AMPH: variants seen among roughly 807,000 people sequenced by gnomAD.
The protein encoded by AMPH is amphiphysin (Stiff-Mann syndrome with breast cancer 128kD autoantigen).
AMPH carries 49 observed loss-of-function variants against 99.1 expected under a neutral mutation model. That is an observed-to-expected ratio of 0.49 (90% CI 0.39 to 0.63). The LOEUF is 0.63. Among genes scored for constraint, AMPH ranks in the 20% least tolerant of loss-of-function variants. The probability of loss-of-function intolerance (pLI) is 0.00; values close to 1 mark genes in which losing one functional copy is unlikely to be tolerated. For missense variants in AMPH, 759 were observed against 863.4 expected (o/e 0.88, Z 1.52); for synonymous variants, 314 against 317.3 (o/e 0.99, Z 0.11).
intron 1 of AMPH, among the ~76,000 whole-genome samples, chr7:38,566,155 G>A (rs1239057984): frequency 6.6e-6 from 1 of 151,964 alleles, no homozygotes. Context: ...CCTATTTAGA[G>A]GTAAAACTTC....
intron 11 of AMPH, among the ~76,000 whole-genome samples, chr7:38,442,203 C>T (rs1786583422): frequency 6.6e-6 from 1 of 152,042 alleles, no homozygotes; most frequent in Non-Finnish European, 1.5e-5. Flanking sequence ...GCCCATGACA[C>T]AAGTTTATCT....
intron 2 of AMPH, among the ~76,000 whole-genome samples, chr7:38,518,610 T>C (rs1173885018): frequency 6.6e-6 from 1 of 152,244 alleles, no homozygotes; most frequent in African/African-American, 2.4e-5. Flanking sequence ...AGAATGGGAA[T>C]GTCTGTCCTA....
chr7:38,611,569 T>C (rs529047565), intron 1 of AMPH, among the ~76,000 whole-genome samples: 1 of 152,344 alleles, frequency 6.6e-6, no homozygotes, highest in African/African-American at 2.4e-5. Context: ...CACCTCTACA[T>C]ACAGCCTTAA....
At chr7:38,620,410 A>T (rs995148655) in intron 1 of AMPH, among the ~76,000 whole-genome samples, 9 of 150,078 alleles carry the variant, frequency 6.0e-5, no homozygotes, top group Non-Finnish European at 1.3e-4. Flanking sequence ...CAGATGTTTC[A>T]TATATTGAGG....
At chr7:38,536,875 C>A (rs6962502) in intron 1 of AMPH, among the ~76,000 whole-genome samples, 139,398 of 152,120 alleles carry the variant, frequency 0.92, 64,057 homozygotes, top group East Asian at 1. Context: ...CTAGGGAAGA[C>A]TTGATAAACA....
intron 1 of AMPH, among the ~76,000 whole-genome samples, chr7:38,628,917 A>T (rs895605749): frequency 1.3e-5 from 2 of 152,230 alleles, no homozygotes; most frequent in African/African-American, 4.8e-5. Flanking sequence ...GATTTCAGAC[A>T]TGCAGTTGGA....
chr7:38,618,961 C>T (rs1316565074), intron 1 of AMPH, among the ~76,000 whole-genome samples: 1 of 152,136 alleles, frequency 6.6e-6, no homozygotes, highest in African/African-American at 2.4e-5. Context: ...AAAAATCTAA[C>T]AAAATACTGT....
intron 16 of AMPH, chr7:38,420,888 C>T (rs1785558544): frequency 4.4e-6 from 2 of 450,688 alleles, no homozygotes; most frequent in South Asian, 3.1e-5. Flanking sequence ...AGATGTACAG[C>T]TGATTACCAA....
intron 5 of AMPH, among the ~76,000 whole-genome samples, chr7:38,485,197 A>C (rs1788441148): frequency 6.6e-6 from 1 of 152,016 alleles, no homozygotes; most frequent in South Asian, 2.1e-4. Context: ...AATGAATTTA[A>C]ATAAAAAAAG....
intron 16 of AMPH, chr7:38,418,156 C>T: frequency 4.8e-6 from 2 of 419,672 alleles, no homozygotes; most frequent in Non-Finnish European, 8.2e-6. Flanking sequence ...TAAGCTTCTG[C>T]TTTACCATCA....
intron 1 of AMPH, among the ~76,000 whole-genome samples, chr7:38,555,249 T>A (rs1227976065): frequency 2.8e-5 from 4 of 145,174 alleles, no homozygotes; most frequent in Non-Finnish European, 4.5e-5. Flanking sequence ...TAACACAATT[T>A]AAAAAAAAAA....
chr7:38,397,247 T>C (rs11983582), intron 17 of AMPH, among the ~76,000 whole-genome samples: 5,987 of 152,312 alleles, frequency 0.039, 372 homozygotes, highest in African/African-American at 0.14. Context: ...TGGCTTTTAG[T>C]CTCAGTTGAA....
chr7:38,478,324 T>C (rs2129015333), intron 5 of AMPH, among the ~76,000 whole-genome samples: 1 of 152,286 alleles, frequency 6.6e-6, no homozygotes, highest in East Asian at 1.9e-4. Context: ...TTGAAAATAT[T>C]ACAGATATTA....
intron 2 of AMPH, among the ~76,000 whole-genome samples, chr7:38,524,701 CTAT>C (rs1166597270): frequency 1.3e-5 from 2 of 152,032 alleles, no homozygotes; most frequent in South Asian, 4.2e-4. Context: ...GTTCTGTATA[CTAT>C]TATTATAGCT....
chr7:38,449,797 G>C (rs538985701), intron 11 of AMPH, among the ~76,000 whole-genome samples: 1 of 152,292 alleles, frequency 6.6e-6, no homozygotes, highest in African/African-American at 2.4e-5. Flanking sequence ...AGAAGAGGCA[G>C]CTGGTCCAGA....
intron 12 of AMPH, among the ~76,000 whole-genome samples, chr7:38,433,453 C>T (rs1271964916): frequency 2.0e-5 from 3 of 152,030 alleles, no homozygotes; most frequent in South Asian, 2.1e-4. Context: ...TGGCCGGGCG[C>T]GGTGGCTCAC....
intron 1 of AMPH, among the ~76,000 whole-genome samples, chr7:38,629,531 C>T (rs1794381332): frequency 6.6e-6 from 1 of 152,132 alleles, no homozygotes; most frequent in Admixed American, 6.5e-5. Flanking sequence ...TTGAATGCTC[C>T]GTAAGAGATT....
chr7:38,391,452 G>A (rs1784490427), intron 19 of AMPH, among the ~76,000 whole-genome samples: 2 of 152,172 alleles, frequency 1.3e-5, no homozygotes, highest in South Asian at 4.1e-4. Context: ...AGGCTCCACA[G>A]ATTCACAGGC....
intron 1 of AMPH, among the ~76,000 whole-genome samples, chr7:38,576,254 CAAACA>C (rs982908764): frequency 2.0e-5 from 3 of 152,116 alleles, no homozygotes; most frequent in Admixed American, 6.6e-5. Context: ...AATAAATGAA[CAAACA>C]AAACAAAACA....
Sources: allele counts gnomAD v4.1 joint callset (sites outside exome capture counted in the v4.1 genomes callset), GRCh38; gene constraint gnomAD v4.1.1; transcripts MANE v1.5; gene names NCBI Gene and HGNC (gene_info 2026-07-23, HGNC 2026-07-21).